Variants in PDGFRL observed in about 807,000 individuals in gnomAD.
The protein encoded by PDGFRL is platelet-derived growth factor receptor-like protein.
PDGFRL carries 46 observed loss-of-function variants against 37.2 expected under a neutral mutation model. That is an observed-to-expected ratio of 1.24 (90% CI 0.98 to 1.58). The LOEUF is 1.58. Among genes scored for constraint, PDGFRL ranks in the 40% most tolerant of loss-of-function variants. The pLI is 0.00. For synonymous variants in PDGFRL, 251 were observed against 184.3 expected (o/e 1.36, Z -2.93); for missense variants, 692 against 467.6 (o/e 1.48, Z -4.43).
intron 1 of PDGFRL, among the ~76,000 whole-genome samples, chr8:17,585,604 G>T (rs1227310827): frequency 6.6e-6 from 1 of 152,124 alleles, no homozygotes; most frequent in Admixed American, 6.6e-5. Context: ...CAACTGAGTG[G>T]CTCAGAAGAA....
intron 5 of PDGFRL, among the ~76,000 whole-genome samples, chr8:17,637,046 T>C (rs548907310): frequency 1.1e-4 from 16 of 152,272 alleles, no homozygotes; most frequent in African/African-American, 3.4e-4. Flanking sequence ...GGTATATGAT[T>C]ACATCATCAG....
chr8:17,617,220 C>T (rs577165368), intron 2 of PDGFRL, among the ~76,000 whole-genome samples: 31 of 152,296 alleles, frequency 2.0e-4, no homozygotes, highest in African/African-American at 7.5e-4. Context: ...AGGGCTAGAA[C>T]TCCTAGTTTA....
chr8:17,584,333 C>A (rs1214275362), intron 1 of PDGFRL, among the ~76,000 whole-genome samples: 6 of 152,094 alleles, frequency 3.9e-5, no homozygotes, highest in Admixed American at 3.3e-4. Context: ...CTTTGACATG[C>A]CTACTAGTCT....
Position 17,589,775 on chromosome 8 carries a change from T to C in PDGFRL, c.353+10T>C, listed in dbSNP as rs754578706. On this transcript the variant is annotated intron_variant, in intron 2 of 5. Coordinates refer to ENST00000251630, the MANE Select transcript of PDGFRL (RefSeq NM_001372073.1). Reference sequence around the variant, plus strand: ...AGGATTCTCGCCTCAGGTAAGCATTTTTTTTTAAAACTGTGTAGGGTTGAG... The same window carrying C: ...AGGATTCTCGCCTCAGGTAAGCATTCTTTTTTAAAACTGTGTAGGGTTGAG... 1 of 1,559,320 alleles carries C rather than the reference T, an allele frequency of 6.4e-7. No individual in the cohort carries two copies. The highest frequency in any genetic ancestry group is 2.3e-5 in the East Asian group (1 of 44,416).
chr8:17,620,944 G>A (rs1196177331), intron 2 of PDGFRL, 107 bp from the exon 3 acceptor site: 1 of 605,954 alleles, frequency 1.7e-6, no homozygotes, highest in South Asian at 4.5e-5. Context: ...TGACATCGGA[G>A]AAAGATTGGG....
chr8:17,615,042 G>C (rs1804495171), intron 2 of PDGFRL, among the ~76,000 whole-genome samples: 1 of 152,140 alleles, frequency 6.6e-6, no homozygotes, highest in South Asian at 2.1e-4. Flanking sequence ...GCATTGCTTA[G>C]CACATATTAA....
intron 2 of PDGFRL, among the ~76,000 whole-genome samples, chr8:17,614,124 G>A (rs981033253): frequency 6.6e-5 from 10 of 152,278 alleles, no homozygotes; most frequent in African/African-American, 2.4e-4. Context: ...ATGATAGGCT[G>A]ATAAATGATA....
intron 2 of PDGFRL, among the ~76,000 whole-genome samples, chr8:17,617,532 C>A (rs948626076): frequency 2.2e-4 from 34 of 152,116 alleles, no homozygotes; most frequent in Admixed American, 3.3e-4. Context: ...TCGGTCACTT[C>A]CAACCCCTTG....
At position 17,634,132 on chromosome 8, in the gene PDGFRL, G is replaced by C; in HGVS notation, c.858G>C (p.Gly286=). ...CTTCTTCAAACAAAGTGAAAAGTGGGGACGACATCAGTGTGCTCTGCACTG... is the reference window on the plus strand; with the variant it reads ...CTTCTTCAAACAAAGTGAAAAGTGGCGACGACATCAGTGTGCTCTGCACTG... ...ILASSNKVKS[G]DDISVLCTVL... Residue 286 remains glycine (G), a synonymous_variant, in exon 5 of 6, where the codon GGG becomes GGC. Transcript: ENST00000251630. The C allele has an allele frequency of 6.2e-7, 1 of 1,613,466 alleles. No homozygotes were observed. The highest frequency in any genetic ancestry group is 8.5e-7 in the Non-Finnish European group (1 of 1,179,398).
intron 2 of PDGFRL, among the ~76,000 whole-genome samples, chr8:17,613,031 A>G (rs17689541): frequency 0.026 from 4,012 of 152,296 alleles, 79 homozygotes; most frequent in East Asian, 0.089. Context: ...TACCATGAAT[A>G]TTTTTTGTGA....
intron 1 of PDGFRL, among the ~76,000 whole-genome samples, chr8:17,584,200 G>C (rs772480893): frequency 6.6e-6 from 1 of 152,170 alleles, no homozygotes; most frequent in Non-Finnish European, 1.5e-5. Context: ...GTGCGACTTG[G>C]AGGTTTTTGT....
intron 1 of PDGFRL, among the ~76,000 whole-genome samples, chr8:17,581,482 C>G (rs1803706358): frequency 6.6e-6 from 1 of 152,032 alleles, no homozygotes. Flanking sequence ...ATGGTTTGCC[C>G]CCACCACATC....
intron 2 of PDGFRL, among the ~76,000 whole-genome samples, chr8:17,593,286 G>C (rs1368153663): frequency 6.6e-6 from 1 of 151,980 alleles, no homozygotes; most frequent in Non-Finnish European, 1.5e-5. Context: ...TATAACATAG[G>C]TTTATCCTCT....
intron 5 of PDGFRL, among the ~76,000 whole-genome samples, chr8:17,635,433 A>G (rs1182332523): frequency 1.3e-5 from 2 of 152,228 alleles, no homozygotes; most frequent in Admixed American, 1.3e-4. Flanking sequence ...AATGGTCTCC[A>G]TCCAGGTTGC....
At chr8:17,629,999 G>A (rs1804829320) in intron 4 of PDGFRL, among the ~76,000 whole-genome samples, 1 of 152,038 alleles carries the variant, frequency 6.6e-6, no homozygotes, top group Non-Finnish European at 1.5e-5. Flanking sequence ...CCCCTCTCCT[G>A]TCCAGGAAAG....
Position 17,599,919 on chromosome 8 carries a change from CAATA to C in PDGFRL, c.353+10155_353+10158del, listed in dbSNP as rs1308296300. On this transcript the variant is annotated intron_variant, in intron 2 of 5. Transcript: ENST00000251630. ...TCTCTACCTACTTTCCCAGGAACTT[CAATA>C]CATCACTTACTGCCTCTTCATTCTG... 2.6e-5 allele frequency among the ~76,000 whole-genome samples: 4 copies of C among 152,076 alleles called. No individual in the cohort carries two copies. In the East Asian group the frequency reaches 7.7e-4, roughly 29 times the overall value.
rs142392087 is a variant in PDGFRL, at chr8:17,621,157, A to G, written c.460A>G (p.Arg154Gly). ...GCAGCTCTGCAGCGGCTACATCTGC[A>G]GGAAGGACGAGGCCAAAACGGGCTC... Reference protein sequence around the residue: ...WVQLCSGYICRKDEAKTGSTY... With the variant: ...WVQLCSGYICGKDEAKTGSTY... Residue 154 changes from arginine to glycine, a missense_variant, in exon 3 of 6, where the codon AGG (arginine) becomes GGG (glycine). Arg to Gly is a moderately radical substitution (Grantham distance 125). Coordinates refer to ENST00000251630, the MANE Select transcript of PDGFRL (RefSeq NM_001372073.1). 5.6e-6 allele frequency: 9 copies of G among 1,611,558 alleles called. No individual in the cohort carries two copies. In the African/African-American group the frequency reaches 1.1e-4, roughly 19 times the overall value.
intron 2 of PDGFRL, among the ~76,000 whole-genome samples, chr8:17,612,806 A>G (rs1375267326): frequency 6.6e-6 from 1 of 152,214 alleles, no homozygotes; most frequent in African/African-American, 2.4e-5. Context: ...TGAATCTTCT[A>G]GTTTTGTATT....
intron 2 of PDGFRL, among the ~76,000 whole-genome samples, chr8:17,616,669 T>G (rs902445487): frequency 6.6e-6 from 1 of 152,184 alleles, no homozygotes; most frequent in African/African-American, 2.4e-5. Flanking sequence ...CAAGACCCTC[T>G]TGGCCTAGAG....
Sources: allele counts gnomAD v4.1 joint callset (sites outside exome capture counted in the v4.1 genomes callset), GRCh38; gene constraint gnomAD v4.1.1; transcripts MANE v1.5; gene names NCBI Gene and HGNC (gene_info 2026-07-23, HGNC 2026-07-21).